The following CXorf65 variants were observed in gnomAD, a reference collection of about 807,000 sequenced individuals.
The protein encoded by CXorf65 is chromosome X open reading frame 65.
For synonymous variants in CXorf65, 54 were observed against 51.4 expected (o/e 1.05, Z -0.21); for missense variants, 137 against 144.7 (o/e 0.95, Z 0.27).
chrX:71,104,024 C>G lies in CXorf65; in HGVS notation c.515G>C (p.Gly172Ala). The change falls in exon 6 of 6, where the codon GGT becomes GCT. Residue 172 changes from glycine to alanine, a missense_variant. Gly to Ala is a moderately conservative substitution (Grantham distance 60). Transcript: ENST00000374251. ...RNRPDFRKNK[G>A]RQLNKTTKQK... Reference sequence around the variant, plus strand: ...CTTGGTGGTTTTATTGAGTTGGCGACCTTTATTCTTCCTGAAGTCTGGTCT... The same window carrying G: ...CTTGGTGGTTTTATTGAGTTGGCGAGCTTTATTCTTCCTGAAGTCTGGTCT... The G allele has an allele frequency of 8.3e-7, 1 of 1,209,309 alleles. No homozygotes were observed. The highest frequency in any genetic ancestry group is 3.0e-5 in the East Asian group (1 of 33,803).
At chrX:71,105,142 G>C (rs1170494886) in intron 3 of CXorf65, among the ~76,000 whole-genome samples, 2 of 111,711 alleles carry the variant, frequency 1.8e-5, no homozygotes, top group African/African-American at 6.5e-5. Context: ...CTACTCCGGA[G>C]GCTGAGGCAG....
intron 4 of CXorf65, 175 bp downstream of exon 4, chrX:71,104,594 A>C (rs970737491): frequency 2.0e-6 from 1 of 510,777 alleles, no homozygotes. Context: ...ACGCATGCAC[A>C]TTCCACCTGG....
intron 5 of CXorf65, 84 bp from the exon 6 acceptor site, chrX:71,104,196 T>C (rs1266854975): frequency 2.6e-6 from 3 of 1,132,574 alleles, no homozygotes; most frequent in Admixed American, 2.4e-5. Context: ...AAAAAGAAAT[T>C]GGAGGCAGGA....
rs1302542304 is a variant in CXorf65 at position 71,104,751 on chromosome X, C to T, written c.319+18G>A. 2.5e-6 allele frequency: 3 copies of T among 1,194,650 alleles called. No homozygotes were observed. The highest frequency in any genetic ancestry group is 2.3e-6 in the Non-Finnish European group (2 of 880,453). Reference sequence around the variant, plus strand: ...ACTGTACCCTTCATGTTCTTCCCTCCCCCATCTCACTTCTTACCAAGCAGC... The same window carrying T: ...ACTGTACCCTTCATGTTCTTCCCTCTCCCATCTCACTTCTTACCAAGCAGC... On this transcript the variant is annotated intron_variant, in intron 4 of 5. Coordinates refer to ENST00000374251, the MANE Select transcript of CXorf65 (RefSeq NM_001025265.3).
intron 4 of CXorf65, 40 bp from the exon 5 acceptor site, chrX:71,104,444 G>A (rs374204194): frequency 2.1e-6 from 2 of 931,170 alleles, no homozygotes; most frequent in Non-Finnish European, 3.0e-6. Context: ...CTGAGAACTA[G>A]AGACCTTACC....
chrX:71,106,568 C>A lies in CXorf65; in HGVS notation c.-12G>T. On this transcript the variant is annotated 5_prime_UTR_variant, in exon 1 of 6. Coordinates refer to ENST00000374251, the MANE Select transcript of CXorf65 (RefSeq NM_001025265.3). ...ATGAAGATGAACATGCCCTCAAGATCGCCTCACTCTTCACAAAGTGCCCTG... is the reference window on the plus strand; with the variant it reads ...ATGAAGATGAACATGCCCTCAAGATAGCCTCACTCTTCACAAAGTGCCCTG... 8.3e-7 allele frequency: 1 copy of A among 1,210,894 alleles called. No homozygotes were observed. Among genetic ancestry groups the A allele is most frequent in the Non-Finnish European group, 1.1e-6 (1 of 895,406 alleles).
In CXorf65 at chrX:71,104,327, C is replaced by T. The variant is rs777161767; in HGVS notation, c.397G>A (p.Val133Ile). 5 of 1,208,415 alleles carry T rather than the reference C, an allele frequency of 4.1e-6. No homozygotes were observed. The highest frequency in any genetic ancestry group is 5.6e-6 in the Non-Finnish European group (5 of 893,309). Residue 133 changes from valine (V) to isoleucine (I), a missense_variant, in exon 5 of 6, where the codon GTT (valine) becomes ATT (isoleucine). Coordinates refer to ENST00000374251, the MANE Select transcript of CXorf65 (RefSeq NM_001025265.3). ...ACACTCGCAGGGGGTTCAATTATAA[C>T]GACCTTCTTGGCTTCTTTCATTTTA... is the stretch of plus-strand genomic sequence containing the variant. Reference protein sequence around the residue: ...MLKMKEAKKVVIIEPPASVPS... With the variant: ...MLKMKEAKKVIIIEPPASVPS...
rs1260252118 is a variant in CXorf65 at position 71,104,312 on chromosome X, G to C, written c.412C>G (p.Pro138Ala). The C allele has an allele frequency of 5.0e-6, 6 of 1,204,635 alleles. No homozygotes were observed. Among genetic ancestry groups the C allele is most frequent in the Admixed American group, 2.2e-5 (1 of 45,862 alleles). Residue 138 changes from proline (P) to alanine (A), a missense_variant, in exon 5 of 6, where the codon CCT becomes GCT. Pro to Ala is a conservative substitution (Grantham distance 27, BLOSUM62 -1). Coordinates refer to ENST00000374251, the MANE Select transcript of CXorf65 (RefSeq NM_001025265.3). ...EAKKVVIIEP[P>A]ASVPSKQSGR... ...GCAAGTCTTACCGGGACACTCGCAG[G>C]GGGTTCAATTATAACGACCTTCTTG...
Position 71,106,371 on chromosome X carries a change from G to A in CXorf65, c.81C>T (p.Tyr27=). The change falls in exon 2 of 6, where the codon TAC becomes TAT. Residue 27 remains tyrosine (Y), a synonymous_variant. Transcript: ENST00000374251. Reference sequence around the variant, plus strand: ...TAGGCAACTTTACTTTACTGCGGATGTAATACAGCAACACGACGACAGCAC... The same window carrying A: ...TAGGCAACTTTACTTTACTGCGGATATAATACAGCAACACGACGACAGCAC... ...TNCAVVVLLY[Y]IRSKVKLPKT... 2 of 1,210,358 alleles carry A rather than the reference G, an allele frequency of 1.7e-6. No homozygotes were observed. Among genetic ancestry groups the A allele is most frequent in the Non-Finnish European group, 2.2e-6 (2 of 894,315 alleles).
intron 3 of CXorf65, among the ~76,000 whole-genome samples, chrX:71,105,303 C>T (rs1411016584): frequency 1.8e-5 from 2 of 110,799 alleles, no homozygotes; most frequent in African/African-American, 3.3e-5. Context: ...CAGTGGCTCA[C>T]GCCTGTAATC....
At chrX:71,106,251 C>T in intron 2 of CXorf65, 89 bp downstream of exon 2, 1 of 1,094,490 alleles carries the variant, frequency 9.1e-7, no homozygotes, top group African/African-American at 1.8e-5. Flanking sequence ...ATGAGGAACT[C>T]CCTTCTTGCC....
At chrX:71,105,567 CAAAAAAAAAAA>C (rs36081226) in intron 3 of CXorf65, among the ~76,000 whole-genome samples, 1 of 74,986 alleles carries the variant, frequency 1.3e-5, no homozygotes, top group East Asian at 5.0e-4. Context: ...AACTCTGTCC[CAAAAAAAAAAA>C]AAAAAAAACC....
chrX:71,105,944 C>A, intron 3 of CXorf65, 56 bp downstream of exon 3: 1 of 1,147,993 alleles, frequency 8.7e-7, no homozygotes. Flanking sequence ...AGATAAGGTT[C>A]ATAATCTATC....
chrX:71,105,952 A>C, intron 3 of CXorf65, 48 bp downstream of exon 3: 2 of 1,162,127 alleles, frequency 1.7e-6, no homozygotes, highest in Non-Finnish European at 2.3e-6. Context: ...TTCATAATCT[A>C]TCTTGAAGGC....
chrX:71,105,940 G>A (rs2147742784), intron 3 of CXorf65, 60 bp downstream of exon 3: 1 of 1,128,237 alleles, frequency 8.9e-7, no homozygotes, highest in East Asian at 3.0e-5. Flanking sequence ...TTAAAGATAA[G>A]GTTCATAATC....
chrX:71,104,046 G>A lies in CXorf65; in HGVS notation c.493C>T (p.Pro165Ser). The change falls in exon 6 of 6, where the codon CCA (proline) becomes TCA (serine). Residue 165 changes from proline (P) to serine (S), a missense_variant. Coordinates refer to ENST00000374251, the MANE Select transcript of CXorf65 (RefSeq NM_001025265.3). ...CGACCTTTATTCTTCCTGAAGTCTG[G>A]TCTGTTCCTAAAGGTCGGAGACTTG... ...TRKSPTFRNR[P>S]DFRKNKGRQL... 5.0e-6 allele frequency: 6 copies of A among 1,208,573 alleles called. No homozygotes were observed. The highest frequency in any genetic ancestry group is 5.6e-6 in the Non-Finnish European group (5 of 893,080).
At position 71,106,035 on chromosome X, in the gene CXorf65, G is replaced by A. The variant is rs781482086; in HGVS notation, c.215C>T (p.Thr72Ile). 2 of 1,211,226 alleles carry A rather than the reference G, an allele frequency of 1.7e-6. No individual in the cohort carries two copies. The highest frequency in any genetic ancestry group is 2.2e-6 in the Non-Finnish European group (2 of 895,096). The change falls in exon 3 of 6, where the codon ACC becomes ATC. Residue 72 changes from threonine (T) to isoleucine (I), a missense_variant. Coordinates refer to ENST00000374251, the MANE Select transcript of CXorf65 (RefSeq NM_001025265.3). ...YASKYLTARS[T>I]YYVCKVERGP... is the part of the protein sequence containing the mutation. Reference sequence around the variant, plus strand: ...ACGTTCCACCTTACAAACGTAGTAGGTGCTTCGAGCTGTAAGGTATTTGCT... The same window carrying A: ...ACGTTCCACCTTACAAACGTAGTAGATGCTTCGAGCTGTAAGGTATTTGCT...
At position 71,103,925 on chromosome X, in the gene CXorf65, G is replaced by A; in HGVS notation, c.*62C>T. The A allele has an allele frequency of 1.8e-6, 2 of 1,140,529 alleles. No homozygotes were observed. The highest frequency in any genetic ancestry group is 2.4e-6 in the Non-Finnish European group (2 of 833,145). 94.0% of individuals were successfully genotyped at this position (1,140,529 alleles called of 1,213,427 possible). A position where few individuals can be genotyped will look rare whatever the true frequency, so the allele number is the denominator to read the frequency against. On this transcript the variant is annotated 3_prime_UTR_variant, in exon 6 of 6. Coordinates refer to ENST00000374251, the MANE Select transcript of CXorf65 (RefSeq NM_001025265.3). ...ACTCAAGCCTTAGTGCAGATATTGG[G>A]AGAAGGAGTCTTTCTAGAAAAAGAA...
chrX:71,104,867 C>G, intron 3 of CXorf65, 30 bp from the exon 4 acceptor site: 1 of 1,162,986 alleles, frequency 8.6e-7, no homozygotes, highest in Non-Finnish European at 1.2e-6. Context: ...CTATCTCCAG[C>G]CCCTGTCATC....
Sources: allele counts gnomAD v4.1 joint callset (sites outside exome capture counted in the v4.1 genomes callset), GRCh38; gene constraint gnomAD v4.1.1; transcripts MANE v1.5; gene names NCBI Gene and HGNC (gene_info 2026-07-23, HGNC 2026-07-21).